OTUD1: variants seen among roughly 807,000 people sequenced by gnomAD.
The protein encoded by OTUD1 is OTU domain-containing protein 1.
Under a neutral mutation model 30.0 loss-of-function variants are expected in OTUD1, and 15 were observed. The ratio of observed to expected loss-of-function variants is 0.50; its 90% CI spans 0.33 to 0.77. The LOEUF is 0.77. Among genes scored for constraint, OTUD1 ranks in the 30% least tolerant of loss-of-function variants. The pLI, the probability that OTUD1 is intolerant of heterozygous loss-of-function variation, is 0.02. For synonymous variants in OTUD1, 381 were observed against 326.3 expected (o/e 1.17, Z -1.81); for missense variants, 796 against 697.8 (o/e 1.14, Z -1.59).
chr10:23,440,664 C>G lies in OTUD1; in HGVS notation c.1207C>G (p.Pro403Ala), dbSNP rs1847117446. The change falls in exon 1 of 1, where the codon CCC (proline) becomes GCC (alanine). Residue 403 changes from proline to alanine, a missense_variant. Transcript: ENST00000376495. The stretch of plus-strand genomic sequence containing the variant: ...AACTACTGGAGGGAGGCTGGAGAGT[C>G]CCACGGTGTCTACCATGATTCATTA... ...HLTTGGRLES[P>A]TVSTMIHYLG... 6 of 1,551,784 alleles carry G rather than the reference C, an allele frequency of 3.9e-6. No individual in the cohort carries two copies. Among genetic ancestry groups the G allele is most frequent in the Non-Finnish European group, 5.2e-6 (6 of 1,147,026 alleles).
In OTUD1 at chr10:23,439,625, C is replaced by T; in HGVS notation, c.168C>T (p.Ala56=). 1 of 1,298,920 alleles carries T rather than the reference C, an allele frequency of 7.7e-7. No homozygotes were observed. Among genetic ancestry groups the T allele is most frequent in the East Asian group, 3.6e-5 (1 of 27,682 alleles). The allele number at this position is 1,298,920 out of a possible 1,614,324, so 80.5% of individuals were successfully genotyped here. Residue 56 remains alanine, a synonymous_variant, in exon 1 of 1, where the codon GCC becomes GCT. Transcript: ENST00000376495. ...CCGAGACCGGTGAGTGCCAGCCCGC[C>T]GCGGCCGCCGAGCACCGGGAAGCCG... is the stretch of plus-strand genomic sequence containing the variant. The part of the protein sequence containing the change: ...PEPETGECQP[A]AAAEHREAAA...
chr10:23,441,011 T>G lies in OTUD1; in HGVS notation c.*108T>G. 1 of 1,213,792 alleles carries G rather than the reference T, an allele frequency of 8.2e-7. No individual in the cohort carries two copies. The highest frequency in any genetic ancestry group is 1.1e-6 in the Non-Finnish European group (1 of 880,038). 75.2% of individuals were successfully genotyped at this position (1,213,792 alleles called of 1,614,324 possible). On this transcript the variant is annotated 3_prime_UTR_variant, in exon 1 of 1. Coordinates refer to ENST00000376495, the MANE Select transcript of OTUD1 (RefSeq NM_001145373.3). ...TAGCACTTTCAAACTTGCTAGTAGA[T>G]TTTACTGTAGGTGTAATGCCTTAAT...
chr10:23,439,721 C>G lies in OTUD1; in HGVS notation c.264C>G (p.Pro88=), dbSNP rs1008548958. The G allele has an allele frequency of 9.3e-6, 11 of 1,177,876 alleles. 1 individual carries two copies. In the African/African-American group the frequency reaches 1.5e-4, roughly 16 times the overall value. The allele number at this position is 1,177,876 out of a possible 1,614,324, so 73.0% of individuals were successfully genotyped here. ...AGGTGGTGTCCGGGGCCGCCGCGCC[C>G]GCCTCCGCCGCCGCCGGCCCGCCCG... ...CFEVVSGAAA[P]ASAAAGPPGA... The change falls in exon 1 of 1, where the codon CCC becomes CCG. Residue 88 remains proline, a synonymous_variant. Coordinates refer to ENST00000376495, the MANE Select transcript of OTUD1 (RefSeq NM_001145373.3).
chr10:23,439,883 G>T lies in OTUD1; in HGVS notation c.426G>T (p.Pro142=), dbSNP rs1258101384. ...VPGAAGSAAA[P]RGRCLLLAPA... is the part of the protein sequence containing the mutation. ...GCGCCGCGGGCTCCGCCGCTGCCCC[G>T]CGCGGCCGCTGCCTCCTGCTCGCCC... Residue 142 remains proline (P), a synonymous_variant, in exon 1 of 1, where the codon CCG becomes CCT. Transcript: ENST00000376495. 2.6e-6 allele frequency: 3 copies of T among 1,165,804 alleles called. No individual in the cohort carries two copies. The highest frequency in any genetic ancestry group is 3.2e-6 in the Non-Finnish European group (3 of 948,508). The allele number at this position is 1,165,804 out of a possible 1,614,324, so 72.2% of individuals were successfully genotyped here. A position where few individuals can be genotyped will look rare whatever the true frequency, so the allele number is the denominator to read the frequency against.
Position 23,439,355 on chromosome 10 carries a change from T to G in OTUD1, c.-103T>G. 5 of 1,040,270 alleles carry G rather than the reference T, an allele frequency of 4.8e-6. No individual in the cohort carries two copies. The highest frequency in any genetic ancestry group is 6.1e-6 in the Non-Finnish European group (5 of 821,928). 64.4% of individuals were successfully genotyped at this position (1,040,270 alleles called of 1,614,324 possible). A position where few individuals can be genotyped will look rare whatever the true frequency, so the allele number is the denominator to read the frequency against. ...TTCGCTCATCTCTATTCTGGGGCCG[T>G]TGGGTCACCGCGCTCCGCCGGCCCC... On this transcript the variant is annotated 5_prime_UTR_variant, in exon 1 of 1. Coordinates refer to ENST00000376495, the MANE Select transcript of OTUD1 (RefSeq NM_001145373.3).
At position 23,441,046 on chromosome 10, in the gene OTUD1, GAATGTTTTCTCAGAGCTGGAGGT is replaced by G. The variant is rs1157902549; in HGVS notation, c.*144_*166del. On this transcript the variant is annotated 3_prime_UTR_variant, in exon 1 of 1. Transcript: ENST00000376495. The stretch of plus-strand genomic sequence containing the variant: ...GGTGTAATGCCTTAATCATCTTTTT[GAATGTTTTCTCAGAGCTGGAGGT>G]TGCTGGGCACCTAAATGATGTTTCA... 1.6e-5 allele frequency: 15 copies of G among 936,854 alleles called. No individual in the cohort carries two copies. In the Admixed American group the frequency reaches 4.5e-4, roughly 28 times the overall value. 58.0% of individuals were successfully genotyped at this position (936,854 alleles called of 1,614,324 possible).
At position 23,441,206 on chromosome 10, in the gene OTUD1, A is replaced by G. The variant is rs1173437336; in HGVS notation, c.*303A>G. ...TAAATTTGTTCATTCCTGGTAGTCT[A>G]TTTTCTATAAAAATGTATTTTTGCA... On this transcript the variant is annotated 3_prime_UTR_variant, in exon 1 of 1. Transcript: ENST00000376495. 1.6e-5 allele frequency: 5 copies of G among 311,960 alleles called. No individual in the cohort carries two copies. Among genetic ancestry groups the G allele is most frequent in the African/African-American group, 4.3e-5 (2 of 46,008 alleles). 19.3% of individuals were successfully genotyped at this position (311,960 alleles called of 1,614,324 possible). A position where few individuals can be genotyped will look rare whatever the true frequency, so the allele number is the denominator to read the frequency against.
At position 23,440,538 on chromosome 10, in the gene OTUD1, G is replaced by A. The variant is rs1390221864; in HGVS notation, c.1081G>A (p.Asp361Asn). 1 of 1,551,744 alleles carries A rather than the reference G, an allele frequency of 6.4e-7. No individual in the cohort carries two copies. Among genetic ancestry groups the A allele is most frequent in the Non-Finnish European group, 8.7e-7 (1 of 1,147,022 alleles). ...LDHFSPLIEG[D>N]VGEFIIAAAQ... is the part of the protein sequence containing the mutation. The stretch of plus-strand genomic sequence containing the variant: ...CCACTTCAGCCCCCTGATTGAGGGC[G>A]ACGTGGGGGAGTTTATCATCGCTGC... Residue 361 changes from aspartate to asparagine, a missense_variant, in exon 1 of 1, where the codon GAC (aspartate) becomes AAC (asparagine). Transcript: ENST00000376495.
Position 23,439,762 on chromosome 10 carries a change from C to T in OTUD1, c.305C>T (p.Pro102Leu), listed in dbSNP as rs1011111391. ...GGCCCGCCCGGCGCGTCCTGCAAGCCGCCGCTGCCGCCGCACTACACGTCC... is the reference window on the plus strand; with the variant it reads ...GGCCCGCCCGGCGCGTCCTGCAAGCTGCCGCTGCCGCCGCACTACACGTCC... The part of the protein sequence containing the change: ...AAGPPGASCK[P>L]PLPPHYTSTA... The change falls in exon 1 of 1, where the codon CCG becomes CTG. Residue 102 changes from proline (P) to leucine (L), a missense_variant. Transcript: ENST00000376495. The T allele has an allele frequency of 4.3e-6, 5 of 1,156,364 alleles. No homozygotes were observed. Among genetic ancestry groups the T allele is most frequent in the East Asian group, 1.0e-4 (2 of 19,868 alleles). 71.6% of individuals were successfully genotyped at this position (1,156,364 alleles called of 1,614,324 possible). A position where few individuals can be genotyped will look rare whatever the true frequency, so the allele number is the denominator to read the frequency against.
Position 23,439,552 on chromosome 10 carries a change from T to C in OTUD1, c.95T>C (p.Phe32Ser). ...GCGCCACCCGCCGCCGCTACCCCCT[T>C]CAAGGTCTCGCTGCAGCCCCCGGGA... ...APAPPAAATP[F>S]KVSLQPPGAA... is the part of the protein sequence containing the mutation. Residue 32 changes from phenylalanine to serine, a missense_variant, in exon 1 of 1, where the codon TTC becomes TCC. Coordinates refer to ENST00000376495, the MANE Select transcript of OTUD1 (RefSeq NM_001145373.3). 2 of 1,385,004 alleles carry C rather than the reference T, an allele frequency of 1.4e-6. No individual in the cohort carries two copies. Among genetic ancestry groups the C allele is most frequent in the Non-Finnish European group, 9.4e-7 (1 of 1,066,722 alleles). 85.8% of individuals were successfully genotyped at this position (1,385,004 alleles called of 1,614,324 possible). A position where few individuals can be genotyped will look rare whatever the true frequency, so the allele number is the denominator to read the frequency against.
chr10:23,440,006 C>G lies in OTUD1; in HGVS notation c.549C>G (p.Asp183Glu), dbSNP rs1847109682. 4 of 1,410,508 alleles carry G rather than the reference C, an allele frequency of 2.8e-6. No individual in the cohort carries two copies. The highest frequency in any genetic ancestry group is 3.7e-6 in the Non-Finnish European group (4 of 1,084,854). 87.4% of individuals were successfully genotyped at this position (1,410,508 alleles called of 1,614,324 possible). ...ACTGCCCCGAGCCCGCGGGCTTGGA[C>G]GCGACACGGGAGGGGCCCGATCGGA... ...RPDCPEPAGLDATREGPDRNF... is the reference protein window; with the variant it reads ...RPDCPEPAGLEATREGPDRNF... Residue 183 changes from aspartate (D) to glutamate (E), a missense_variant, in exon 1 of 1, where the codon GAC becomes GAG. Physicochemically the swap from Asp to Glu is conservative, Grantham distance 45. Coordinates refer to ENST00000376495, the MANE Select transcript of OTUD1 (RefSeq NM_001145373.3).
rs1847098861 is a variant in OTUD1, at chr10:23,439,299, G to C, written c.-159G>C. 6.6e-6 allele frequency among the ~76,000 whole-genome samples: 1 copy of C among 151,504 alleles called. No homozygotes were observed. Among genetic ancestry groups the C allele is most frequent in the African/African-American group, 2.4e-5 (1 of 41,346 alleles). On this transcript the variant is annotated 5_prime_UTR_variant, in exon 1 of 1. Coordinates refer to ENST00000376495, the MANE Select transcript of OTUD1 (RefSeq NM_001145373.3). Reference sequence around the variant, plus strand: ...TTTGGCCGGGACCCGGGCGCTATTCGCGGCTGCTGACTCGCGGCGGCCGGC... The same window carrying C: ...TTTGGCCGGGACCCGGGCGCTATTCCCGGCTGCTGACTCGCGGCGGCCGGC...
In OTUD1 at chr10:23,439,392, C is replaced by T; in HGVS notation, c.-66C>T. On this transcript the variant is annotated 5_prime_UTR_variant, in exon 1 of 1. Coordinates refer to ENST00000376495, the MANE Select transcript of OTUD1 (RefSeq NM_001145373.3). ...GCTCCGCCGGCCCCCTCCCCCGGGC[C>T]CGGAGGGTGTGTCCCCCGCTCCGGG... 5 of 1,215,592 alleles carry T rather than the reference C, an allele frequency of 4.1e-6. No individual in the cohort carries two copies. Among genetic ancestry groups the T allele is most frequent in the Non-Finnish European group, 5.1e-6 (5 of 976,304 alleles). 75.3% of individuals were successfully genotyped at this position (1,215,592 alleles called of 1,614,324 possible).
rs928035411 is a variant in OTUD1, at chr10:23,439,767, C to T, written c.310C>T (p.Leu104=). The T allele has an allele frequency of 6.0e-4, 696 of 1,157,304 alleles. 2 individuals carry two copies. Among genetic ancestry groups the T allele is most frequent in the Non-Finnish European group, 7.1e-4 (674 of 943,184 alleles). 71.7% of individuals were successfully genotyped at this position (1,157,304 alleles called of 1,614,324 possible). The change falls in exon 1 of 1, where the codon CTG becomes TTG. Residue 104 remains leucine, a synonymous_variant. Coordinates refer to ENST00000376495, the MANE Select transcript of OTUD1 (RefSeq NM_001145373.3). The part of the protein sequence containing the change: ...GPPGASCKPP[L]PPHYTSTAQI... ...GCCCGGCGCGTCCTGCAAGCCGCCG[C>T]TGCCGCCGCACTACACGTCCACCGC...
Position 23,439,546 on chromosome 10 carries a change from C to T in OTUD1, c.89C>T (p.Thr30Ile), listed in dbSNP as rs1273749594. The change falls in exon 1 of 1, where the codon ACC becomes ATC. Residue 30 changes from threonine (T) to isoleucine (I), a missense_variant. Physicochemically the swap from Thr to Ile is moderately conservative, Grantham distance 89. Coordinates refer to ENST00000376495, the MANE Select transcript of OTUD1 (RefSeq NM_001145373.3). Reference sequence around the variant, plus strand: ...GCCCCCGCGCCACCCGCCGCCGCTACCCCCTTCAAGGTCTCGCTGCAGCCC... The same window carrying T: ...GCCCCCGCGCCACCCGCCGCCGCTATCCCCTTCAAGGTCTCGCTGCAGCCC... ...AAAPAPPAAA[T>I]PFKVSLQPPG... is the part of the protein sequence containing the mutation. 4.3e-6 allele frequency: 6 copies of T among 1,384,402 alleles called. No homozygotes were observed. The highest frequency in any genetic ancestry group is 5.6e-6 in the Non-Finnish European group (6 of 1,066,998). 85.8% of individuals were successfully genotyped at this position (1,384,402 alleles called of 1,614,324 possible).
At position 23,440,318 on chromosome 10, in the gene OTUD1, C is replaced by T; in HGVS notation, c.861C>T (p.Asp287=). ...TCGTCTCCAGGTCGGATCCCAGAGA[C>T]GAGAAGCTGGCCCTATACCTGGCCG... ...PVIVSRSDPR[D]EKLALYLAEV... The change falls in exon 1 of 1, where the codon GAC becomes GAT. Residue 287 remains aspartate, a synonymous_variant. Transcript: ENST00000376495. 5.2e-6 allele frequency: 8 copies of T among 1,551,122 alleles called. No individual in the cohort carries two copies. The South Asian group carries it at 9.5e-5, about 18-fold the overall frequency.
rs1161390257 is a variant in OTUD1, at chr10:23,439,408, C to T, written c.-50C>T. The stretch of plus-strand genomic sequence containing the variant: ...CCCCCGGGCCCGGAGGGTGTGTCCC[C>T]CGCTCCGGGGCTCGCCGCGCCTATA... On this transcript the variant is annotated 5_prime_UTR_variant, in exon 1 of 1. Coordinates refer to ENST00000376495, the MANE Select transcript of OTUD1 (RefSeq NM_001145373.3). 3 of 1,235,338 alleles carry T rather than the reference C, an allele frequency of 2.4e-6. No homozygotes were observed. The highest frequency in any genetic ancestry group is 3.0e-6 in the Non-Finnish European group (3 of 990,004). The allele number at this position is 1,235,338 out of a possible 1,614,324, so 76.5% of individuals were successfully genotyped here.
rs778701675 is a variant in OTUD1 at position 23,439,624 on chromosome 10, C to T, written c.167C>T (p.Ala56Val). The T allele has an allele frequency of 1.3e-5, 17 of 1,299,006 alleles. No homozygotes were observed. The highest frequency in any genetic ancestry group is 2.9e-4 in the Middle Eastern group (1 of 3,416). The allele number at this position is 1,299,006 out of a possible 1,614,324, so 80.5% of individuals were successfully genotyped here. Residue 56 changes from alanine (A) to valine (V), a missense_variant, in exon 1 of 1, where the codon GCC becomes GTC. Coordinates refer to ENST00000376495, the MANE Select transcript of OTUD1 (RefSeq NM_001145373.3). ...PEPETGECQP[A>V]AAAEHREAAA... ...CCCGAGACCGGTGAGTGCCAGCCCGCCGCGGCCGCCGAGCACCGGGAAGCC... is the reference window on the plus strand; with the variant it reads ...CCCGAGACCGGTGAGTGCCAGCCCGTCGCGGCCGCCGAGCACCGGGAAGCC...
At position 23,440,140 on chromosome 10, in the gene OTUD1, A is replaced by G. The variant is rs1364537866; in HGVS notation, c.683A>G (p.His228Arg). 1.4e-6 allele frequency: 2 copies of G among 1,439,486 alleles called. No homozygotes were observed. The highest frequency in any genetic ancestry group is 1.5e-5 in the African/African-American group (1 of 66,720). 89.2% of individuals were successfully genotyped at this position (1,439,486 alleles called of 1,614,324 possible). ...GGCCCCGGTCCGTGGGGCGAAGAGCACTTGGCGGAGAGGGGCCCCAGGGGC... is the reference window on the plus strand; with the variant it reads ...GGCCCCGGTCCGTGGGGCGAAGAGCGCTTGGCGGAGAGGGGCCCCAGGGGC... ...DPGPGPWGEE[H>R]LAERGPRGWE... Residue 228 changes from histidine (H) to arginine (R), a missense_variant, in exon 1 of 1, where the codon CAC becomes CGC. Physicochemically the swap from His to Arg is conservative, Grantham distance 29. Transcript: ENST00000376495.
Sources: gnomAD v4.1 joint callset for allele counts (sites outside exome capture counted in the v4.1 genomes callset) on GRCh38, gnomAD v4.1.1 for gene constraint, MANE v1.5 for transcripts, NCBI Gene and HGNC (gene_info 2026-07-23, HGNC 2026-07-21) for gene names.